The following LUZP2 variants were observed in gnomAD, a reference collection of about 807,000 sequenced individuals.
The protein encoded by LUZP2 is leucine zipper protein 2.
LUZP2 carries 52 observed loss-of-function variants against 51.6 expected under a neutral mutation model. That is an observed-to-expected ratio of 1.01 (90% confidence interval 0.81 to 1.27). LUZP2 has a LOEUF of 1.27. Among genes scored for constraint, LUZP2 ranks in the 50% most tolerant of loss-of-function variants. LUZP2 has a pLI of 0.00. For synonymous variants in LUZP2, 154 were observed against 137.3 expected, an observed-to-expected ratio of 1.12 and a Z score of -0.85; for missense variants, 436 against 395.4, an observed-to-expected ratio of 1.10 and a Z score of -0.87.
At chr11:24,573,843 T>A (rs1028500851) in intron 1 of LUZP2, among the ~76,000 whole-genome samples, 11 of 147,660 alleles carry the variant, frequency 7.4e-5, no homozygotes, top group Admixed American at 2.8e-4. Flanking sequence ...TTTTTAAAAA[T>A]GTAACTGAAT....
intron 5 of LUZP2, among the ~76,000 whole-genome samples, chr11:24,879,381 A>G (rs1486094002): frequency 6.6e-6 from 1 of 152,154 alleles, no homozygotes; most frequent in Non-Finnish European, 1.5e-5. Flanking sequence ...ATAAATATGC[A>G]TGTACGTATG....
intron 1 of LUZP2, among the ~76,000 whole-genome samples, chr11:24,691,498 C>T (rs1250564238): frequency 6.9e-6 from 1 of 144,692 alleles, no homozygotes; most frequent in African/African-American, 2.5e-5. Flanking sequence ...TTCAAAGTAA[C>T]CCCTGTATTT....
intron 1 of LUZP2, among the ~76,000 whole-genome samples, chr11:24,602,178 G>GTGTATA (rs1565020659): frequency 5.4e-5 from 6 of 112,032 alleles, no homozygotes; most frequent in Admixed American, 2.1e-4. Context: ...GTATATATAT[G>GTGTATA]TGTATATATG....
chr11:24,926,629 G>GTATATATGTATATATATA (rs1565120726), intron 7 of LUZP2, among the ~76,000 whole-genome samples: 12 of 137,524 alleles, frequency 8.7e-5, no homozygotes, highest in African/African-American at 3.2e-4. Flanking sequence ...ATATATGTGT[G>GTATATATGTATATATATA]TATATATGTA....
intron 1 of LUZP2, among the ~76,000 whole-genome samples, chr11:24,649,961 A>C (rs1371503873): frequency 2.5e-5 from 3 of 120,544 alleles, no homozygotes; most frequent in Non-Finnish European, 3.4e-5. Context: ...ACACAGACAC[A>C]CACATACACA....
intron 1 of LUZP2, among the ~76,000 whole-genome samples, chr11:24,504,835 C>A (rs922620056): frequency 6.6e-6 from 1 of 152,208 alleles, no homozygotes; most frequent in Non-Finnish European, 1.5e-5. Context: ...AAGCGGGGAA[C>A]TAACCCAATG....
intron 5 of LUZP2, among the ~76,000 whole-genome samples, chr11:24,867,139 A>G (rs1422232587): frequency 6.6e-6 from 1 of 152,134 alleles, no homozygotes; most frequent in Non-Finnish European, 1.5e-5. Flanking sequence ...AGATAAATTA[A>G]TAAAAGGGTG....
At chr11:25,061,986 A>G (rs7105924) in intron 10 of LUZP2, among the ~76,000 whole-genome samples, 135,895 of 151,224 alleles carry the variant, frequency 0.9, 62,047 homozygotes, top group Non-Finnish European at 0.97. Flanking sequence ...CATGCCAGCT[A>G]TACACAGATA....
At chr11:24,576,242 C>T (rs1852641647) in intron 1 of LUZP2, among the ~76,000 whole-genome samples, 1 of 148,640 alleles carries the variant, frequency 6.7e-6, no homozygotes, top group South Asian at 2.1e-4. Context: ...GAAAACCCAT[C>T]TCTACTAAAG....
intron 10 of LUZP2, among the ~76,000 whole-genome samples, chr11:25,071,250 A>G (rs1449089823): frequency 6.6e-6 from 1 of 152,012 alleles, no homozygotes; most frequent in African/African-American, 2.4e-5. Flanking sequence ...TTTATTTCAC[A>G]TATATTTATA....
intron 9 of LUZP2, among the ~76,000 whole-genome samples, chr11:24,985,813 A>C (rs60512586): frequency 0.043 from 6,590 of 151,772 alleles, 333 homozygotes; most frequent in African/African-American, 0.12. Context: ...TAAATCTGGA[A>C]CTGAGGGAAG....
At chr11:24,577,013 C>A (rs1852675070) in intron 1 of LUZP2, among the ~76,000 whole-genome samples, 1 of 151,850 alleles carries the variant, frequency 6.6e-6, no homozygotes, top group Non-Finnish European at 1.5e-5. Flanking sequence ...TGAATAGATG[C>A]TTTATCTTTT....
At chr11:24,681,235 C>T (rs1262341275) in intron 1 of LUZP2, among the ~76,000 whole-genome samples, 1 of 152,140 alleles carries the variant, frequency 6.6e-6, no homozygotes, top group Non-Finnish European at 1.5e-5. Flanking sequence ...CCCGCCTCGG[C>T]CTCCCAAAGT....
intron 1 of LUZP2, among the ~76,000 whole-genome samples, chr11:24,691,756 ATATT>A (rs1857073579): frequency 6.6e-6 from 1 of 152,006 alleles, no homozygotes; most frequent in Non-Finnish European, 1.5e-5. Context: ...CTTTGGAAAA[ATATT>A]TATATGTGTG....
intron 7 of LUZP2, among the ~76,000 whole-genome samples, chr11:24,964,034 T>C (rs1477691011): frequency 6.6e-6 from 1 of 152,182 alleles, no homozygotes; most frequent in Non-Finnish European, 1.5e-5. Context: ...AGAAGCAGGA[T>C]TACTGGGTCA....
chr11:25,029,853 T>C (rs1013327588), intron 9 of LUZP2, among the ~76,000 whole-genome samples: 1 of 152,178 alleles, frequency 6.6e-6, no homozygotes, highest in African/African-American at 2.4e-5. Flanking sequence ...CTATTGTATA[T>C]GTTGTTTTGT....
chr11:24,924,343 G>T (rs532077052), intron 7 of LUZP2, among the ~76,000 whole-genome samples: 1 of 152,022 alleles, frequency 6.6e-6, no homozygotes, highest in South Asian at 2.1e-4. Flanking sequence ...CTCCCAAATT[G>T]CTGGGATTAC....
intron 7 of LUZP2, among the ~76,000 whole-genome samples, chr11:24,967,037 A>G (rs1406095822): frequency 2.0e-5 from 3 of 151,616 alleles, no homozygotes; most frequent in African/African-American, 2.4e-5. Flanking sequence ...CTGACTATAT[A>G]TTTGGGTCAA....
At chr11:24,831,351 T>A (rs752595030) in intron 5 of LUZP2, among the ~76,000 whole-genome samples, 1 of 152,204 alleles carries the variant, frequency 6.6e-6, no homozygotes, top group Non-Finnish European at 1.5e-5. Flanking sequence ...ATTCATGTAA[T>A]CAGTATGTAG....
Sources: gnomAD v4.1 joint callset for allele counts (sites outside exome capture counted in the v4.1 genomes callset) on GRCh38, gnomAD v4.1.1 for gene constraint, MANE v1.5 for transcripts, NCBI Gene and HGNC (gene_info 2026-07-23, HGNC 2026-07-21) for gene names.